The following CADPS2 variants were observed in gnomAD, a reference collection of about 807,000 sequenced individuals.
The protein encoded by CADPS2 is calcium-dependent secretion activator 2.
CADPS2 carries 93 observed loss-of-function variants against 172.5 expected under a neutral mutation model. That is an observed-to-expected ratio of 0.54 (90% confidence interval 0.46 to 0.64). The LOEUF (loss-of-function observed/expected upper bound fraction) is 0.64, where lower values mean the gene tolerates loss of function less well. Ranked by LOEUF, CADPS2 falls within the 30% of genes least tolerant of loss-of-function variation. The probability of loss-of-function intolerance (pLI) is 0.00; values close to 1 mark genes in which losing one functional copy is unlikely to be tolerated. For synonymous variants in CADPS2, 546 were observed against 555.2 expected, an observed-to-expected ratio of 0.98 and a Z score of 0.23; for missense variants, 1,420 against 1,565.9, an observed-to-expected ratio of 0.91 and a Z score of 1.57.
At chr7:122,867,951 T>A (rs1818737373) in intron 1 of CADPS2, among the ~76,000 whole-genome samples, 1 of 152,162 alleles carries the variant, frequency 6.6e-6, no homozygotes, top group Admixed American at 6.5e-5. Context: ...GAGCACCCTC[T>A]GTGCCTTTCT....
chr7:122,855,523 G>T (rs960459325), intron 1 of CADPS2, among the ~76,000 whole-genome samples: 6 of 152,148 alleles, frequency 3.9e-5, no homozygotes, highest in African/African-American at 1.4e-4. Flanking sequence ...ATTTGCCCAG[G>T]ATGGTAGGAT....
chr7:122,459,628 T>C (rs1450408537), intron 14 of CADPS2, among the ~76,000 whole-genome samples: 1 of 152,208 alleles, frequency 6.6e-6, no homozygotes, highest in Non-Finnish European at 1.5e-5. Flanking sequence ...GCTATCTTGC[T>C]GATTATGTAG....
At chr7:122,344,667 T>G (rs1289926880) in intron 28 of CADPS2, among the ~76,000 whole-genome samples, 1 of 152,222 alleles carries the variant, frequency 6.6e-6, no homozygotes, top group Non-Finnish European at 1.5e-5. Context: ...GAATATCATA[T>G]TGACTTAAAA....
At chr7:122,783,088 C>G (rs186696220) in intron 1 of CADPS2, among the ~76,000 whole-genome samples, 4 of 151,172 alleles carry the variant, frequency 2.6e-5, no homozygotes, top group African/African-American at 9.7e-5. Flanking sequence ...GGTGGGCGGG[C>G]GCCTGTGGTC....
chr7:122,742,579 C>T (rs1031122266), intron 1 of CADPS2, among the ~76,000 whole-genome samples: 10 of 152,072 alleles, frequency 6.6e-5, no homozygotes, highest in African/African-American at 2.4e-4. Context: ...AGTGAGAGGG[C>T]CACTTCCCAC....
chr7:122,789,110 G>C (rs1794707750), intron 1 of CADPS2, among the ~76,000 whole-genome samples: 1 of 152,090 alleles, frequency 6.6e-6, no homozygotes, highest in South Asian at 2.1e-4. Flanking sequence ...TTGGTCCTCG[G>C]CTTGGGTGCA....
Position 122,326,042 on chromosome 7 carries a change from A to G in CADPS2, c.3613-461T>C, listed in dbSNP as rs1254369351. On this transcript the variant is annotated intron_variant, in intron 28 of 29. Coordinates refer to ENST00000449022, the MANE Select transcript of CADPS2 (RefSeq NM_017954.11). ...GTGTTATGCTATAAGTCATGTAGTC[A>G]ATACCTAAAATTACATTTTAAAGTA... 4.0e-5 allele frequency among the ~76,000 whole-genome samples: 6 copies of G among 151,564 alleles called. 1 individual carries two copies. Among genetic ancestry groups the G allele is most frequent in the Admixed American group, 3.3e-4 (5 of 15,170 alleles).
At chr7:122,345,465 C>A (rs2037437976) in intron 28 of CADPS2, 109 bp downstream of exon 28, 4 of 664,724 alleles carry the variant, frequency 6.0e-6, no homozygotes, top group Non-Finnish European at 1.0e-5. Context: ...ATAGAAGATA[C>A]AGGATCACAA....
intron 1 of CADPS2, among the ~76,000 whole-genome samples, chr7:122,812,684 A>T (rs768442348): frequency 7.2e-5 from 11 of 152,214 alleles, no homozygotes; most frequent in Non-Finnish European, 1.2e-4. Flanking sequence ...TTTCTTTATG[A>T]TAGGACCAAT....
At chr7:122,706,591 A>G (rs1236680784) in intron 2 of CADPS2, among the ~76,000 whole-genome samples, 1 of 147,790 alleles carries the variant, frequency 6.8e-6, no homozygotes, top group Non-Finnish European at 1.5e-5. Flanking sequence ...ATATATATAT[A>G]TATCACACAC....
chr7:122,758,298 G>A (rs1270406379), intron 1 of CADPS2, among the ~76,000 whole-genome samples: 2 of 152,122 alleles, frequency 1.3e-5, no homozygotes, highest in African/African-American at 4.8e-5. Flanking sequence ...CATCTCAGCA[G>A]AACAAAGAAA....
intron 9 of CADPS2, among the ~76,000 whole-genome samples, chr7:122,491,820 T>C (rs191488709): frequency 1.3e-5 from 2 of 152,288 alleles, no homozygotes; most frequent in African/African-American, 4.8e-5. Flanking sequence ...AAGAGTAAGA[T>C]TAGGAGTAGT....
chr7:122,854,621 C>T (rs938593769), intron 1 of CADPS2, among the ~76,000 whole-genome samples: 2 of 152,238 alleles, frequency 1.3e-5, no homozygotes, highest in East Asian at 1.9e-4. Context: ...GAGAGGCTCC[C>T]GTGAGCAACC....
chr7:122,703,489 G>T (rs1393232087), intron 2 of CADPS2, among the ~76,000 whole-genome samples: 2 of 152,158 alleles, frequency 1.3e-5, no homozygotes, highest in Non-Finnish European at 2.9e-5. Context: ...TAAGAAAACA[G>T]TGTAAACTCT....
At chr7:122,834,361 G>C (rs373158593) in intron 1 of CADPS2, among the ~76,000 whole-genome samples, 1 of 152,142 alleles carries the variant, frequency 6.6e-6, no homozygotes, top group Non-Finnish European at 1.5e-5. Context: ...AGCTCCCAGC[G>C]TGAGCGACAC....
chr7:122,600,160 C>T (rs939193099), intron 6 of CADPS2, among the ~76,000 whole-genome samples: 2 of 152,032 alleles, frequency 1.3e-5, no homozygotes, highest in Non-Finnish European at 2.9e-5. Context: ...TCAGAAGCTA[C>T]ATGATGGAAA....
chr7:122,597,467 G>A (rs2072006866), intron 6 of CADPS2, among the ~76,000 whole-genome samples: 1 of 152,028 alleles, frequency 6.6e-6, no homozygotes, highest in South Asian at 2.1e-4. Context: ...ATTAGCAGGT[G>A]GGACCTCTGC....
chr7:122,727,781 G>C (rs149823104), intron 2 of CADPS2, among the ~76,000 whole-genome samples: 122 of 151,974 alleles, frequency 8.0e-4, no homozygotes, highest in African/African-American at 2.8e-3. Flanking sequence ...AGGAATCTCA[G>C]ACATGAAAAC....
intron 5 of CADPS2, among the ~76,000 whole-genome samples, chr7:122,617,656 G>A (rs1215319452): frequency 6.6e-6 from 1 of 152,050 alleles, no homozygotes; most frequent in African/African-American, 2.4e-5. Context: ...AATGACACTG[G>A]GCAATATGGT....
Sources: gnomAD v4.1 joint callset for allele counts (sites outside exome capture counted in the v4.1 genomes callset) on GRCh38, gnomAD v4.1.1 for gene constraint, MANE v1.5 for transcripts, NCBI Gene and HGNC (gene_info 2026-07-23, HGNC 2026-07-21) for gene names.